The following DLC1 variants were observed in gnomAD, a reference collection of about 807,000 sequenced individuals.
DLC1 encodes DLC1 Rho GTPase activating protein.
In DLC1, 54 loss-of-function variants were observed where a neutral mutation model predicts 140.3. The ratio of observed to expected loss-of-function variants is 0.38; its 90% CI spans 0.31 to 0.48. The LOEUF (loss-of-function observed/expected upper bound fraction) is 0.48, where lower values mean the gene tolerates loss of function less well. Ranked by LOEUF, DLC1 falls within the 20% of genes least tolerant of loss-of-function variation. The pLI is 0.96. For synonymous variants in DLC1, 986 were observed against 728.1 expected (o/e 1.35, Z -5.70); for missense variants, 2,536 against 1,907.0 (o/e 1.33, Z -6.14).
At chr8:13,314,409 G>T (rs1394300069) in intron 4 of DLC1, among the ~76,000 whole-genome samples, 1 of 151,212 alleles carries the variant, frequency 6.6e-6, no homozygotes, top group South Asian at 2.1e-4. Context: ...CAGTTTAACA[G>T]AATAGCATAT....
At chr8:13,530,677 A>G (rs1342304412) in intron 1 of DLC1, among the ~76,000 whole-genome samples, 2 of 152,232 alleles carry the variant, frequency 1.3e-5, no homozygotes, top group Non-Finnish European at 2.9e-5. Context: ...GACCTAGAGT[A>G]TAGTAAATCA....
At chr8:13,250,481 T>G (rs973673496) in intron 5 of DLC1, among the ~76,000 whole-genome samples, 1 of 152,226 alleles carries the variant, frequency 6.6e-6, no homozygotes, top group East Asian at 1.9e-4. Flanking sequence ...AGGTAATTAT[T>G]GTTATGGTAA....
At chr8:13,298,532 C>T (rs569258288) in intron 5 of DLC1, among the ~76,000 whole-genome samples, 1 of 152,268 alleles carries the variant, frequency 6.6e-6, no homozygotes, top group East Asian at 1.9e-4. Context: ...AATTGCAGGA[C>T]ACACAAAGAC....
At chr8:13,445,168 A>G (rs1395444996) in intron 2 of DLC1, among the ~76,000 whole-genome samples, 1 of 152,036 alleles carries the variant, frequency 6.6e-6, no homozygotes, top group East Asian at 1.9e-4. Flanking sequence ...GAGAAAGAGA[A>G]AAAGTTTATG....
intron 1 of DLC1, among the ~76,000 whole-genome samples, chr8:13,588,893 G>T (rs1399777535): frequency 1.3e-5 from 2 of 152,084 alleles, no homozygotes; most frequent in East Asian, 3.9e-4. Flanking sequence ...GGATAAGTGA[G>T]GAGGGAGAAG....
rs368027095 is a variant in DLC1 at position 13,355,838 on chromosome 8, A to G, written c.1314+37715T>C. Among the ~76,000 whole-genome samples the G allele has an allele frequency of 3.3e-5, 5 of 152,114 alleles. No individual in the cohort carries two copies. In the East Asian group the frequency reaches 5.8e-4, roughly 18 times the overall value. ...GGTGGCTCACACCTGTAATCCCAGCACTTTGGGAGGCTAAGGTGGGCAGAT... is the reference window on the plus strand; with the variant it reads ...GGTGGCTCACACCTGTAATCCCAGCGCTTTGGGAGGCTAAGGTGGGCAGAT... On this transcript the variant is annotated intron_variant, in intron 4 of 17. Coordinates refer to ENST00000276297, the MANE Select transcript of DLC1 (RefSeq NM_182643.3).
At chr8:13,189,335 G>C (rs1357566789) in intron 5 of DLC1, among the ~76,000 whole-genome samples, 1 of 152,166 alleles carries the variant, frequency 6.6e-6, no homozygotes, top group Non-Finnish European at 1.5e-5. Flanking sequence ...ATTGCGTGCT[G>C]GGTGCTGTGG....
intron 4 of DLC1, among the ~76,000 whole-genome samples, chr8:13,370,694 T>G (rs2117115282): frequency 6.6e-6 from 1 of 152,332 alleles, no homozygotes; most frequent in South Asian, 2.1e-4. Flanking sequence ...TTTTGTTCTG[T>G]CACTAAGCTC....
At chr8:13,436,944 G>A (rs1401349211) in intron 2 of DLC1, among the ~76,000 whole-genome samples, 2 of 152,056 alleles carry the variant, frequency 1.3e-5, no homozygotes, top group South Asian at 4.1e-4. Flanking sequence ...TTTCTAAGAG[G>A]AATGGGAAAA....
chr8:13,276,419 A>C, intron 5 of DLC1: 2 of 1,447,538 alleles, frequency 1.4e-6, no homozygotes, highest in East Asian at 5.7e-5. Context: ...AGACGCCTTC[A>C]GCGCAGCCCG....
intron 1 of DLC1, among the ~76,000 whole-genome samples, chr8:13,541,479 T>G (rs1307488866): frequency 6.6e-6 from 1 of 152,206 alleles, no homozygotes; most frequent in Non-Finnish European, 1.5e-5. Context: ...GTAGTCACCC[T>G]AGTAAATGTG....
Position 13,364,544 on chromosome 8 carries a change from G to A in DLC1, c.1314+29009C>T, listed in dbSNP as rs535010048. Reference sequence around the variant, plus strand: ...ACTCCCAACCTCAGGTGATCCTCCCGCCTTGGCCTTCCAAAGTGCTGGGAT... The same window carrying A: ...ACTCCCAACCTCAGGTGATCCTCCCACCTTGGCCTTCCAAAGTGCTGGGAT... On this transcript the variant is annotated intron_variant, in intron 4 of 17. Coordinates refer to ENST00000276297, the MANE Select transcript of DLC1 (RefSeq NM_182643.3). Among the ~76,000 whole-genome samples, 44 of 152,172 alleles carry A rather than the reference G, an allele frequency of 2.9e-4. No individual in the cohort carries two copies. In the South Asian group the frequency reaches 5.2e-3, roughly 18 times the overall value.
intron 2 of DLC1, among the ~76,000 whole-genome samples, chr8:13,446,811 G>C (rs931145009): frequency 1.3e-5 from 2 of 152,030 alleles, no homozygotes; most frequent in Non-Finnish European, 2.9e-5. Context: ...GCGTGGTGGT[G>C]GGTGCCTGTA....
chr8:13,223,336 G>C (rs912899524), intron 5 of DLC1, among the ~76,000 whole-genome samples: 5 of 152,056 alleles, frequency 3.3e-5, no homozygotes, highest in Admixed American at 1.3e-4. Flanking sequence ...CAGCCTCTTC[G>C]CACGTAATCT....
At chr8:13,138,868 C>A (rs1184396725) in intron 5 of DLC1, among the ~76,000 whole-genome samples, 2 of 152,154 alleles carry the variant, frequency 1.3e-5, no homozygotes. Context: ...AAAATTAATT[C>A]ACCACCATTT....
At chr8:13,387,618 T>C (rs549076676) in intron 4 of DLC1, among the ~76,000 whole-genome samples, 23 of 152,108 alleles carry the variant, frequency 1.5e-4, no homozygotes, top group South Asian at 8.3e-4. Context: ...TTGAAATTAC[T>C]AAGGGAAAAC....
intron 5 of DLC1, among the ~76,000 whole-genome samples, chr8:13,173,167 T>G (rs1354189131): frequency 6.6e-6 from 1 of 152,136 alleles, no homozygotes; most frequent in Non-Finnish European, 1.5e-5. Flanking sequence ...AGCCCTATTT[T>G]TAAAGTTCCC....
intron 4 of DLC1, among the ~76,000 whole-genome samples, chr8:13,317,605 G>A (rs149220616): frequency 1.2e-4 from 18 of 152,244 alleles, no homozygotes; most frequent in African/African-American, 4.3e-4. Flanking sequence ...GAGGCATAAA[G>A]ATCGCATCTG....
At chr8:13,182,916 G>T (rs1826124928) in intron 5 of DLC1, among the ~76,000 whole-genome samples, 1 of 152,154 alleles carries the variant, frequency 6.6e-6, no homozygotes, top group Non-Finnish European at 1.5e-5. Context: ...GGGCAGTATG[G>T]CCATTTTCAG....
Sources: allele counts gnomAD v4.1 joint callset (sites outside exome capture counted in the v4.1 genomes callset), GRCh38; gene constraint gnomAD v4.1.1; transcripts MANE v1.5; gene names NCBI Gene and HGNC (gene_info 2026-07-23, HGNC 2026-07-21).